The following KIF26B variants were observed in gnomAD, a reference collection of about 807,000 sequenced individuals.
KIF26B encodes kinesin-like protein KIF26B.
Under a neutral mutation model 151.2 loss-of-function variants are expected in KIF26B, and 63 were observed. The observed-to-expected ratio is 0.42, with a 90% confidence interval of 0.34 to 0.51. The LOEUF (loss-of-function observed/expected upper bound fraction) is 0.51. KIF26B is among the 20% of genes least tolerant of loss of function. The pLI, the probability that KIF26B is intolerant of heterozygous loss-of-function variation, is 0.07. For missense variants in KIF26B, 2,813 were observed against 2,913.6 expected (o/e 0.97, Z 0.79); for synonymous variants, 1,357 against 1,262.1 (o/e 1.08, Z -1.59).
At chr1:245,222,498 T>C (rs1669795195) in intron 2 of KIF26B, among the ~76,000 whole-genome samples, 1 of 152,066 alleles carries the variant, frequency 6.6e-6, no homozygotes, top group South Asian at 2.1e-4. Context: ...CAATTAATTG[T>C]AGAAAATGAA....
rs990079314 is a variant in KIF26B, at chr1:245,358,499, T to C, written c.466-8335T>C. ...CGCGCCACTGTACTCCAGCCTGGGCTACAGAGTGAGACTCCGTCTCAAAAC... is the reference window on the plus strand; with the variant it reads ...CGCGCCACTGTACTCCAGCCTGGGCCACAGAGTGAGACTCCGTCTCAAAAC... On this transcript the variant is annotated intron_variant, in intron 2 of 14. Coordinates refer to ENST00000407071, the MANE Select transcript of KIF26B (RefSeq NM_018012.4). The surrounding 1 kb of genome is among the most constrained non-coding windows in gnomAD (Gnocchi z 4.1). Among the ~76,000 whole-genome samples, 5 of 152,074 alleles carry C rather than the reference T, an allele frequency of 3.3e-5. No individual in the cohort carries two copies. Among genetic ancestry groups the C allele is most frequent in the Non-Finnish European group, 7.3e-5 (5 of 68,032 alleles).
intron 5 of KIF26B, among the ~76,000 whole-genome samples, chr1:245,556,599 G>A (rs1278233748): frequency 6.6e-6 from 1 of 152,058 alleles, no homozygotes; most frequent in African/African-American, 2.4e-5. Flanking sequence ...ATGGGGTTTT[G>A]CCATGTTGCC....
At chr1:245,357,170 G>A (rs868113192) in intron 2 of KIF26B, among the ~76,000 whole-genome samples, 10 of 152,224 alleles carry the variant, frequency 6.6e-5, no homozygotes, top group African/African-American at 2.4e-4. Context: ...GACTCTGAAG[G>A]AAGTGGGGCG....
In KIF26B at chr1:245,572,130, G is replaced by A. The variant is rs1361735155; in HGVS notation, c.1351-30447G>A. Among the ~76,000 whole-genome samples, 1 of 152,138 alleles carries A rather than the reference G, an allele frequency of 6.6e-6. No individual in the cohort carries two copies. The highest frequency in any genetic ancestry group is 1.5e-5 in the Non-Finnish European group (1 of 68,030). On this transcript the variant is annotated intron_variant, in intron 5 of 14. Transcript: ENST00000407071. The surrounding 1 kb of genome is among the most constrained non-coding windows in gnomAD (Gnocchi z 4.2). Reference sequence around the variant, plus strand: ...GCTTTGCAAAGGCTACAAGACCAAGGGCTTGTGTACCTGCCCCAACAGAGA... The same window carrying A: ...GCTTTGCAAAGGCTACAAGACCAAGAGCTTGTGTACCTGCCCCAACAGAGA...
At chr1:245,508,131 T>G (rs1168588210) in intron 4 of KIF26B, among the ~76,000 whole-genome samples, 1 of 152,246 alleles carries the variant, frequency 6.6e-6, no homozygotes, top group East Asian at 1.9e-4. Context: ...AAAACAGTGT[T>G]TGAAATGCCC....
chr1:245,235,085 T>C (rs1462418489), intron 2 of KIF26B, among the ~76,000 whole-genome samples: 1 of 152,190 alleles, frequency 6.6e-6, no homozygotes, highest in Non-Finnish European at 1.5e-5. Context: ...TGCGCTGGGT[T>C]GAGTTGCCTG....
intron 5 of KIF26B, among the ~76,000 whole-genome samples, chr1:245,552,566 GTA>G: frequency 6.6e-6 from 1 of 151,494 alleles, no homozygotes; most frequent in Non-Finnish European, 1.5e-5. Flanking sequence ...CTTCCCATCC[GTA>G]TAAGGCCTGA....
intron 2 of KIF26B, among the ~76,000 whole-genome samples, chr1:245,300,862 A>G (rs981474989): frequency 7.3e-4 from 101 of 139,240 alleles, no homozygotes; most frequent in East Asian, 2.1e-4. Context: ...ATGGAGTCTC[A>G]CTCTGTCACC....
chr1:245,465,406 A>G (rs1572075896), intron 4 of KIF26B, among the ~76,000 whole-genome samples: 1 of 151,538 alleles, frequency 6.6e-6, no homozygotes, highest in Non-Finnish European at 1.5e-5. Context: ...TGACCAGGGG[A>G]GGGGGAAAAG....
At chr1:245,465,048 G>A (rs1302005590) in intron 4 of KIF26B, among the ~76,000 whole-genome samples, 22 of 143,760 alleles carry the variant, frequency 1.5e-4, no homozygotes, top group Admixed American at 5.5e-4. Flanking sequence ...GCGCGATCTC[G>A]GCTCACTGCA....
rs543900539 is a variant in KIF26B at position 245,400,349 on chromosome 1, G to A, written c.1000-19230G>A. Reference sequence around the variant, plus strand: ...ACTTTACATTCGCCTATTTTACCATGGGTTACAGACAAGAACAAATTGGAC... The same window carrying A: ...ACTTTACATTCGCCTATTTTACCATAGGTTACAGACAAGAACAAATTGGAC... On this transcript the variant is annotated intron_variant, in intron 3 of 14. Coordinates refer to ENST00000407071, the MANE Select transcript of KIF26B (RefSeq NM_018012.4). Among the ~76,000 whole-genome samples, 10 of 152,130 alleles carry A rather than the reference G, an allele frequency of 6.6e-5. No homozygotes were observed. In the South Asian group the frequency reaches 8.3e-4, roughly 13 times the overall value.
At chr1:245,609,659 G>A in intron 8 of KIF26B, 131 bp downstream of exon 8, 7 of 946,074 alleles carry the variant, frequency 7.4e-6, no homozygotes, top group Non-Finnish European at 1.0e-5. Flanking sequence ...AAAGTGGACT[G>A]GAACTTTATG....
rs1453869690 is a variant in KIF26B, at chr1:245,241,118, C to T, written c.465+84435C>T. Among the ~76,000 whole-genome samples the T allele has an allele frequency of 3.3e-5, 5 of 152,128 alleles. No homozygotes were observed. Among genetic ancestry groups the T allele is most frequent in the African/African-American group, 4.8e-5 (2 of 41,408 alleles). Reference sequence around the variant, plus strand: ...AGAATACACCTGTCAGGAAAATCATCGGTAGTGAGCAGTTTCTTCCCGTTA... The same window carrying T: ...AGAATACACCTGTCAGGAAAATCATTGGTAGTGAGCAGTTTCTTCCCGTTA... On this transcript the variant is annotated intron_variant, in intron 2 of 14. Coordinates refer to ENST00000407071, the MANE Select transcript of KIF26B (RefSeq NM_018012.4). The surrounding 1 kb of genome is among the most constrained non-coding windows in gnomAD (Gnocchi z 5.0).
intron 5 of KIF26B, among the ~76,000 whole-genome samples, chr1:245,573,932 A>T (rs1269060297): frequency 6.6e-6 from 1 of 152,206 alleles, no homozygotes; most frequent in Non-Finnish European, 1.5e-5. Flanking sequence ...ATTTCATCAC[A>T]CTACTCAGAA....
intron 2 of KIF26B, among the ~76,000 whole-genome samples, chr1:245,283,773 C>T (rs1671110384): frequency 6.6e-6 from 1 of 151,370 alleles, no homozygotes; most frequent in Non-Finnish European, 1.5e-5. Context: ...CTGCAACTTC[C>T]GACTGCTGGG....
chr1:245,593,611 GAA>G (rs1294453586), intron 5 of KIF26B, among the ~76,000 whole-genome samples: 1 of 152,152 alleles, frequency 6.6e-6, no homozygotes, highest in Admixed American at 6.5e-5. Flanking sequence ...TTGCTATTGT[GAA>G]CAGTGCCACA....
chr1:245,672,296 C>T (rs767083731), intron 10 of KIF26B, among the ~76,000 whole-genome samples: 4 of 152,160 alleles, frequency 2.6e-5, no homozygotes, highest in Non-Finnish European at 4.4e-5. Flanking sequence ...GGAGGTGGCT[C>T]GTCCTGACCT....
chr1:245,295,274 A>G (rs1573758365), intron 2 of KIF26B, among the ~76,000 whole-genome samples: 1 of 152,348 alleles, frequency 6.6e-6, no homozygotes, highest in Non-Finnish European at 1.5e-5. Context: ...CTTCAGTTCA[A>G]CAAATGGTCA....
chr1:245,673,337 C>T (rs2044317419), intron 10 of KIF26B, among the ~76,000 whole-genome samples: 4 of 131,448 alleles, frequency 3.0e-5, no homozygotes, highest in Admixed American at 7.6e-5. Context: ...ATCTTAGGCC[C>T]AGTCCCCGCT....
Sources: gnomAD v4.1 joint callset for allele counts (sites outside exome capture counted in the v4.1 genomes callset) on GRCh38, gnomAD v4.1.1 for gene constraint, Gnocchi (gnomAD v3.1) non-coding constraint, MANE v1.5 for transcripts, NCBI Gene and HGNC (gene_info 2026-07-23, HGNC 2026-07-21) for gene names.